ZNF544: variants seen among roughly 807,000 people sequenced by gnomAD.
The protein encoded by ZNF544 is zinc finger protein AF020591.
ZNF544 carries 10 observed loss-of-function variants against 13.5 expected under a neutral mutation model. The ratio of observed to expected loss-of-function variants is 0.74; its 90% confidence interval spans 0.46 to 1.25. The LOEUF is 1.25. Among genes scored for constraint, ZNF544 ranks in the 50% most tolerant of loss-of-function variants. The pLI is 0.00. For synonymous variants in ZNF544, 323 were observed against 300.5 expected, an observed-to-expected ratio of 1.07 and a Z score of -0.77; for missense variants, 896 against 845.6, an observed-to-expected ratio of 1.06 and a Z score of -0.74.
intron 6 of ZNF544, chr19:58,257,438 A>G (rs987533632): frequency 6.6e-6 from 1 of 152,264 alleles, no homozygotes; most frequent in Non-Finnish European, 1.5e-5. Flanking sequence ...ATAGTGGCCC[A>G]TGACCAGTCT....
At chr19:58,237,528 G>A (rs563909456) in intron 3 of ZNF544, among the ~76,000 whole-genome samples, 5 of 152,180 alleles carry the variant, frequency 3.3e-5, no homozygotes, top group Non-Finnish European at 5.9e-5. Context: ...CCTGGAGGGC[G>A]GCTCACCTCA....
chr19:58,229,414 C>A (rs1600181261), intron 1 of ZNF544, 54 bp from the exon 2 acceptor site: 1 of 152,232 alleles, frequency 6.6e-6, no homozygotes, highest in African/African-American at 2.4e-5. Flanking sequence ...ACCCAGCGGG[C>A]CTCTCCCGGC....
intron 3 of ZNF544, among the ~76,000 whole-genome samples, chr19:58,236,458 C>G (rs373452676): frequency 7.0e-6 from 1 of 143,764 alleles, no homozygotes; most frequent in African/African-American, 2.6e-5. Flanking sequence ...GATCGCTTGG[C>G]GCCATTGCAC....
intron 3 of ZNF544, among the ~76,000 whole-genome samples, chr19:58,234,101 C>G (rs1471460216): frequency 6.6e-6 from 1 of 152,206 alleles, no homozygotes; most frequent in Non-Finnish European, 1.5e-5. Flanking sequence ...TCCACCTTTA[C>G]TCCCCACAGT....
intron 5 of ZNF544, 76 bp downstream of exon 5, chr19:58,246,503 G>A: frequency 6.3e-7 from 1 of 1,584,300 alleles, no homozygotes; most frequent in Non-Finnish European, 8.6e-7. Flanking sequence ...GGGTGTTCTG[G>A]GATGTGCTGG....
intron 5 of ZNF544, among the ~76,000 whole-genome samples, chr19:58,272,113 A>G (rs1336768381): frequency 6.6e-6 from 1 of 150,634 alleles, no homozygotes; most frequent in Non-Finnish European, 1.5e-5. Flanking sequence ...ATGAGCCGAG[A>G]TTGCCCCACT....
chr19:58,266,464 A>G (rs1256622281), downstream of ZNF544, among the ~76,000 whole-genome samples: 5 of 147,240 alleles, frequency 3.4e-5, no homozygotes, highest in Admixed American at 2.1e-4. Flanking sequence ...GCAGTGAGCC[A>G]AAATCATGCC....
chr19:58,276,457 G>A, intron 6 of ZNF544: 1 of 1,192,906 alleles, frequency 8.4e-7, no homozygotes, highest in Non-Finnish European at 1.0e-6. Context: ...TCAAAAGTCA[G>A]AATTTTATTT....
chr19:58,241,162 A>AATATATAT (rs374852336), intron 3 of ZNF544, among the ~76,000 whole-genome samples: 1 of 89,322 alleles, frequency 1.1e-5, no homozygotes, highest in Non-Finnish European at 2.0e-5. Flanking sequence ...TATATATTTA[A>AATATATAT]ATATATATAT....
In ZNF544 at chr19:58,261,729, A is replaced by C. The variant is rs1214841013; in HGVS notation, c.1123A>C (p.Thr375Pro). 6.2e-7 allele frequency: 1 copy of C among 1,614,264 alleles called. No homozygotes were observed. Among genetic ancestry groups the C allele is most frequent in the Non-Finnish European group, 8.5e-7 (1 of 1,180,046 alleles). The change falls in exon 7 of 7, where the codon ACT (threonine) becomes CCT (proline). Residue 375 changes from threonine (T) to proline (P), a missense_variant. Transcript: ENST00000687789. ...CCKLIHQRTHTGEKPFECTQC... is the reference protein window; with the variant it reads ...CCKLIHQRTHPGEKPFECTQC... ...TAAGCTCATACACCAGAGAACACAC[A>C]CTGGAGAAAAGCCCTTCGAATGTAC... is the stretch of plus-strand genomic sequence containing the variant.
At chr19:58,252,328 G>A (rs1319248385) in intron 6 of ZNF544, among the ~76,000 whole-genome samples, 1 of 152,080 alleles carries the variant, frequency 6.6e-6, no homozygotes. Flanking sequence ...GACCTTCTAT[G>A]ACATGCCTGG....
chr19:58,237,068 T>G (rs1341661300), intron 3 of ZNF544, among the ~76,000 whole-genome samples: 1 of 149,878 alleles, frequency 6.7e-6, no homozygotes, highest in Non-Finnish European at 1.5e-5. Context: ...TTACCTTTTT[T>G]TTTTTTTTTT....
chr19:58,272,068 G>A (rs1187235135), intron 5 of ZNF544, among the ~76,000 whole-genome samples: 2 of 151,680 alleles, frequency 1.3e-5, no homozygotes, highest in Admixed American at 1.3e-4. Context: ...AGGCTGAGCA[G>A]GAGAATCGCT....
intron 5 of ZNF544, chr19:58,276,251 T>C (rs919487300): frequency 2.8e-6 from 2 of 722,668 alleles, no homozygotes; most frequent in Non-Finnish European, 3.8e-6. Context: ...CACCTGCCCC[T>C]ACCTCTCCAA....
chr19:58,242,857 C>T (rs934985139), intron 3 of ZNF544, among the ~76,000 whole-genome samples: 29 of 152,130 alleles, frequency 1.9e-4, no homozygotes, highest in Non-Finnish European at 1.2e-4. Flanking sequence ...CGTCACCATG[C>T]CTGGCTAATT....
intron 6 of ZNF544, among the ~76,000 whole-genome samples, chr19:58,249,561 C>A (rs1363762999): frequency 2.0e-5 from 3 of 152,136 alleles, no homozygotes; most frequent in Admixed American, 2.0e-4. Flanking sequence ...AGCCATGAAC[C>A]CCAACTTAGC....
At chr19:58,254,880 T>C (rs1163337791) in intron 6 of ZNF544, among the ~76,000 whole-genome samples, 3 of 144,350 alleles carry the variant, frequency 2.1e-5, no homozygotes, top group African/African-American at 7.6e-5. Flanking sequence ...TTTTTTTTTT[T>C]CTTGAGACAG....
At chr19:58,231,604 G>T (rs1312720384) in intron 3 of ZNF544, among the ~76,000 whole-genome samples, 2 of 152,090 alleles carry the variant, frequency 1.3e-5, no homozygotes. Context: ...CTCACATGTT[G>T]CCCAGGCTTG....
chr19:58,231,584 T>A (rs1316974514), intron 3 of ZNF544, among the ~76,000 whole-genome samples: 5 of 152,134 alleles, frequency 3.3e-5, no homozygotes, highest in African/African-American at 4.8e-5. Flanking sequence ...TATTTTTTTA[T>A]AAATGGGGTC....
Sources: gnomAD v4.1 joint callset for allele counts (sites outside exome capture counted in the v4.1 genomes callset) on GRCh38, gnomAD v4.1.1 for gene constraint, MANE v1.5 for transcripts, NCBI Gene and HGNC (gene_info 2026-07-23, HGNC 2026-07-21) for gene names.